The following SHISA6 variants were observed in gnomAD, a reference collection of about 807,000 sequenced individuals.
The protein encoded by SHISA6 is shisa family member 6, also known as protein shisa-6.
Under a neutral mutation model 47.9 loss-of-function variants are expected in SHISA6, and 22 were observed. That is an observed-to-expected ratio of 0.46 (90% CI 0.33 to 0.66). SHISA6 has a LOEUF of 0.66. Ranked by LOEUF, SHISA6 falls within the 30% of genes least tolerant of loss-of-function variation. The probability of loss-of-function intolerance (pLI) is 0.02; values close to 1 mark genes in which losing one functional copy is unlikely to be tolerated. For synonymous variants in SHISA6, 388 were observed against 337.8 expected (o/e 1.15, Z -1.63); for missense variants, 680 against 764.6 (o/e 0.89, Z 1.30).
At chr17:11,517,647 A>G (rs2071596656) in intron 3 of SHISA6, among the ~76,000 whole-genome samples, 1 of 152,000 alleles carries the variant, frequency 6.6e-6, no homozygotes, top group African/African-American at 2.4e-5. Flanking sequence ...GACCACAGGC[A>G]TGTGCCACCA....
chr17:11,528,338 C>T (rs1358112705), intron 3 of SHISA6, among the ~76,000 whole-genome samples: 1 of 151,940 alleles, frequency 6.6e-6, no homozygotes, highest in Non-Finnish European at 1.5e-5. Context: ...TTAATTATCC[C>T]CAAATTCATC....
At chr17:11,468,282 G>A (rs1250895972) in intron 3 of SHISA6, among the ~76,000 whole-genome samples, 1 of 151,980 alleles carries the variant, frequency 6.6e-6, no homozygotes, top group Non-Finnish European at 1.5e-5. Context: ...TAAAGTTAGA[G>A]TATGACTGTA....
At chr17:11,544,787 C>T (rs1345060982) in intron 3 of SHISA6, among the ~76,000 whole-genome samples, 1 of 151,798 alleles carries the variant, frequency 6.6e-6, no homozygotes, top group East Asian at 1.9e-4. Flanking sequence ...GGTGAAACCC[C>T]GTCTCTACTA....
At chr17:11,463,098 A>G (rs1043778956) in intron 3 of SHISA6, among the ~76,000 whole-genome samples, 5 of 152,220 alleles carry the variant, frequency 3.3e-5, no homozygotes, top group African/African-American at 1.2e-4. Flanking sequence ...TTATCCAGGA[A>G]CAGTTTACCA....
At chr17:11,433,829 G>A (rs1267134532) in intron 3 of SHISA6, among the ~76,000 whole-genome samples, 3 of 152,004 alleles carry the variant, frequency 2.0e-5, no homozygotes, top group Admixed American at 1.3e-4. Context: ...CACTCAAGAT[G>A]CAAAGCCCCA....
At chr17:11,456,495 C>G (rs1385273783) in intron 3 of SHISA6, among the ~76,000 whole-genome samples, 1 of 152,242 alleles carries the variant, frequency 6.6e-6, no homozygotes, top group East Asian at 1.9e-4. Flanking sequence ...TAACTTAAGA[C>G]TCTTCCCTCC....
At chr17:11,550,052 T>C (rs1291998294) in intron 3 of SHISA6, among the ~76,000 whole-genome samples, 1 of 151,990 alleles carries the variant, frequency 6.6e-6, no homozygotes, top group Non-Finnish European at 1.5e-5. Flanking sequence ...GATAGTGTGC[T>C]TGACATTTTT....
chr17:11,309,775 T>C (rs543396815), intron 2 of SHISA6, among the ~76,000 whole-genome samples: 1 of 152,378 alleles, frequency 6.6e-6, no homozygotes, highest in African/African-American at 2.4e-5. Context: ...AGTGCTTGTT[T>C]CTCTTTTAAG....
chr17:11,457,937 T>G (rs1915588146), intron 3 of SHISA6, among the ~76,000 whole-genome samples: 1 of 151,474 alleles, frequency 6.6e-6, no homozygotes, highest in Admixed American at 6.6e-5. Context: ...TACAAAAAAT[T>G]AGCCGGGCTT....
At chr17:11,254,599 C>A (rs1466381485) in intron 1 of SHISA6, among the ~76,000 whole-genome samples, 1 of 152,186 alleles carries the variant, frequency 6.6e-6, no homozygotes, top group Non-Finnish European at 1.5e-5. Context: ...AGTGGCCATC[C>A]ATGCGTCTAG....
intron 2 of SHISA6, among the ~76,000 whole-genome samples, chr17:11,355,580 G>A (rs1283728203): frequency 6.6e-6 from 1 of 152,204 alleles, no homozygotes; most frequent in Admixed American, 6.5e-5. Flanking sequence ...TAGAGCTCAA[G>A]CCATGGCAGA....
chr17:11,452,325 C>G (rs1368728540), intron 3 of SHISA6, among the ~76,000 whole-genome samples: 1 of 152,286 alleles, frequency 6.6e-6, no homozygotes, highest in Non-Finnish European at 1.5e-5. Context: ...TTTCAGGAAA[C>G]CTTTGTCCCC....
chr17:11,379,545 G>A, intron 3 of SHISA6, 36 bp downstream of exon 3: 1 of 1,423,896 alleles, frequency 7.0e-7, no homozygotes, highest in South Asian at 1.3e-5. Context: ...AAATACAGAG[G>A]TTGCCTAGGG....
intron 3 of SHISA6, among the ~76,000 whole-genome samples, chr17:11,412,023 G>A (rs1277022312): frequency 6.6e-6 from 1 of 152,094 alleles, no homozygotes; most frequent in Non-Finnish European, 1.5e-5. Context: ...TAAGAAAAAG[G>A]TTGTCTCTGA....
chr17:11,291,406 C>T (rs754956742), intron 2 of SHISA6, among the ~76,000 whole-genome samples: 65 of 151,858 alleles, frequency 4.3e-4, no homozygotes, highest in Non-Finnish European at 7.8e-4. Flanking sequence ...GAGGCTGAGG[C>T]GGGCAGATCA....
intron 3 of SHISA6, among the ~76,000 whole-genome samples, chr17:11,465,064 C>T (rs1489062548): frequency 3.3e-5 from 5 of 152,244 alleles, no homozygotes; most frequent in Middle Eastern, 3.4e-3. Context: ...AAAGATTAAA[C>T]TCCTTGTACC....
At chr17:11,404,775 G>T (rs1259835605) in intron 3 of SHISA6, among the ~76,000 whole-genome samples, 1 of 152,220 alleles carries the variant, frequency 6.6e-6, no homozygotes, top group Non-Finnish European at 1.5e-5. Context: ...CACTGAAGTT[G>T]TGAGTCATTT....
intron 3 of SHISA6, among the ~76,000 whole-genome samples, chr17:11,520,040 T>C (rs2071616251): frequency 1.4e-5 from 2 of 144,158 alleles, no homozygotes; most frequent in South Asian, 2.3e-4. Flanking sequence ...ACTGTTCTTT[T>C]ATCTAGGGTA....
At chr17:11,408,253 A>T (rs1244358182) in intron 3 of SHISA6, among the ~76,000 whole-genome samples, 6 of 152,178 alleles carry the variant, frequency 3.9e-5, no homozygotes, top group African/African-American at 1.2e-4. Flanking sequence ...AAAAAAATAA[A>T]AGTAGTATCA....
Sources: allele counts gnomAD v4.1 joint callset (sites outside exome capture counted in the v4.1 genomes callset), GRCh38; gene constraint gnomAD v4.1.1; transcripts MANE v1.5; gene names NCBI Gene and HGNC (gene_info 2026-07-23, HGNC 2026-07-21).